Variants in POR observed in about 807,000 individuals in gnomAD.
The protein encoded by POR is cytochrome p450 oxidoreductase.
A neutral mutation model predicts 84.0 loss-of-function variants in POR; 56 were observed. The observed-to-expected ratio is 0.67, with a 90% CI of 0.54 to 0.83. The LOEUF is 0.83. Among genes scored for constraint, POR ranks in the 40% least tolerant of loss-of-function variants. The probability of loss-of-function intolerance (pLI) is 0.00; values close to 1 mark genes in which losing one functional copy is unlikely to be tolerated. For missense variants in POR, 938 were observed against 944.3 expected (o/e 0.99, Z 0.09); for synonymous variants, 414 against 400.5 (o/e 1.03, Z -0.40).
chr7:75,985,178 CGCT>C lies in POR; in HGVS notation c.1370_1372del (p.Arg457_Tyr458delinsHis). The C allele has an allele frequency of 2.5e-6, 4 of 1,597,770 alleles. No homozygotes were observed. The highest frequency in any genetic ancestry group is 3.4e-6 in the Non-Finnish European group (4 of 1,178,488). ...TGAGCTGCTGCCGCGCCTGCAGGCC[CGCT>C]ACTACTCCATCGCCTCATCCTCCAA... On this transcript the variant is annotated inframe_deletion, in exon 12 of 16. Transcript: ENST00000461988.
intron 1 of POR, among the ~76,000 whole-genome samples, chr7:75,932,092 T>G (rs1177405789): frequency 2.0e-5 from 3 of 152,210 alleles, no homozygotes; most frequent in Non-Finnish European, 4.4e-5. Flanking sequence ...ATAAATTGCT[T>G]TTTGAAAAAT....
rs1554559067 is a variant in POR at position 75,985,621 on chromosome 7, T to C, written c.1441T>C (p.Tyr481His). Residue 481 changes from tyrosine to histidine, a missense_variant, in exon 13 of 16, where the codon TAC becomes CAC. Tyr to His is a moderately conservative substitution (Grantham distance 83). Transcript: ENST00000461988. ...GCACATCTGTGCGGTGGTTGTGGAG[T>C]ACGAGACCAAGGCTGGCCGCATCAA... 4 of 1,587,714 alleles carry C rather than the reference T, an allele frequency of 2.5e-6. No individual in the cohort carries two copies. Among genetic ancestry groups the C allele is most frequent in the Non-Finnish European group, 3.4e-6 (4 of 1,166,238 alleles).
intron 1 of POR, among the ~76,000 whole-genome samples, chr7:75,936,086 C>CTTTTT (rs869164954): frequency 1.9e-3 from 190 of 99,760 alleles, no homozygotes; most frequent in Non-Finnish European, 2.7e-3. Context: ...TTCTTTCTTT[C>CTTTTT]TTTTTTTTTT....
At chr7:75,983,982 GACTCCACGGTTACA>G in intron 10 of POR, 126 bp downstream of exon 10, 1 of 706,218 alleles carries the variant, frequency 1.4e-6, no homozygotes, top group Non-Finnish European at 2.3e-6. Context: ...CTTGCACCGA[GACTCCACGGTTACA>G]GGATCCCAAG....
chr7:75,920,981 T>C (rs961177775), intron 1 of POR, among the ~76,000 whole-genome samples: 3 of 152,188 alleles, frequency 2.0e-5, no homozygotes, highest in Non-Finnish European at 4.4e-5. Flanking sequence ...GTGAAGGGCT[T>C]CAGACCCTTT....
In POR at chr7:75,986,464, C is replaced by T. The variant is rs782712405; in HGVS notation, c.2026C>T (p.Leu676=). 6.2e-7 allele frequency: 1 copy of T among 1,610,878 alleles called. No individual in the cohort carries two copies. The highest frequency in any genetic ancestry group is 8.5e-7 in the Non-Finnish European group (1 of 1,179,742). ...ACTGATGACCAAGGGCCGCTACTCC[C>T]TGGACGTGTGGAGCTAGGGGCCTGC... Residue 676 remains leucine, a synonymous_variant, in exon 16 of 16, where the codon CTG becomes TTG. Coordinates refer to ENST00000461988, the MANE Select transcript of POR (RefSeq NM_000941.3).
At chr7:75,978,075 G>A (rs1554557099) in intron 3 of POR, among the ~76,000 whole-genome samples, 1 of 152,176 alleles carries the variant, frequency 6.6e-6, no homozygotes, top group Non-Finnish European at 1.5e-5. Flanking sequence ...ATTTTATAAT[G>A]AATATGTATT....
chr7:75,932,073 A>T (rs1468005628), intron 1 of POR, among the ~76,000 whole-genome samples: 3 of 152,226 alleles, frequency 2.0e-5, no homozygotes, highest in African/African-American at 7.2e-5. Context: ...CTGCAGAGAA[A>T]TTTTGAAAAT....
At chr7:75,958,297 T>C (rs1391991471) in intron 2 of POR, among the ~76,000 whole-genome samples, 1 of 151,982 alleles carries the variant, frequency 6.6e-6, no homozygotes, top group Non-Finnish European at 1.5e-5. Context: ...TTATATTTTT[T>C]GTACAAATGG....
Position 75,960,550 on chromosome 7 carries a change from G to T in POR, c.188+6370G>T, listed in dbSNP as rs144074134. 5.7e-4 allele frequency among the ~76,000 whole-genome samples: 86 copies of T among 152,116 alleles called. No homozygotes were observed. In the East Asian group the frequency reaches 0.013, roughly 23 times the overall value. ...GGTCTTAACCTCCTGGCCTCAAGCA[G>T]TCTCCCTGCCTCAGCCTTGCAAAGT... On this transcript the variant is annotated intron_variant, in intron 2 of 15. Transcript: ENST00000461988.
rs373613946 is a variant in POR at position 75,985,623 on chromosome 7, C to T, written c.1443C>T (p.Tyr481=). ...ACATCTGTGCGGTGGTTGTGGAGTA[C>T]GAGACCAAGGCTGGCCGCATCAACA... Residue 481 remains tyrosine (Y), a synonymous_variant, in exon 13 of 16, where the codon TAC becomes TAT. Transcript: ENST00000461988. 32 of 1,588,414 alleles carry T rather than the reference C, an allele frequency of 2.0e-5. No individual in the cohort carries two copies. The highest frequency in any genetic ancestry group is 1.7e-4 in the Middle Eastern group (1 of 5,966).
chr7:75,925,704 A>T (rs1807080703), intron 1 of POR, among the ~76,000 whole-genome samples: 1 of 152,218 alleles, frequency 6.6e-6, no homozygotes, highest in African/African-American at 2.4e-5. Flanking sequence ...ATGAAAGATG[A>T]TGTTGGCCTA....
At chr7:75,965,927 C>T (rs1788160472) in intron 2 of POR, among the ~76,000 whole-genome samples, 1 of 152,136 alleles carries the variant, frequency 6.6e-6, no homozygotes, top group Non-Finnish European at 1.5e-5. Context: ...CCGGGGCGCA[C>T]TGCAGACAGG....
rs201960141 is a variant in POR, at chr7:75,983,803, G to C, written c.1013G>C (p.Gly338Ala). Reference sequence around the variant, plus strand: ...GACTCTGCTCTCGTCAACCAGCTGGGCAAAATCCTGGGTGCCGACCTGGAC... The same window carrying C: ...GACTCTGCTCTCGTCAACCAGCTGGCCAAAATCCTGGGTGCCGACCTGGAC... Residue 338 changes from glycine (G) to alanine (A), a missense_variant, in exon 10 of 16, where the codon GGC becomes GCC. Physicochemically the swap from Gly to Ala is moderately conservative, Grantham distance 60 (BLOSUM62 0). Coordinates refer to ENST00000461988, the MANE Select transcript of POR (RefSeq NM_000941.3). The C allele has an allele frequency of 6.2e-7, 1 of 1,612,226 alleles. No individual in the cohort carries two copies. The highest frequency in any genetic ancestry group is 1.3e-5 in the African/African-American group (1 of 75,048).
Position 75,979,561 on chromosome 7 carries a change from C to T in POR, c.348C>T (p.Asp116=). ...ACGGGATGCGAGGCATGTCAGCGGA[C>T]CCTGAGGAGTATGACCTGGTAAGCT... Residue 116 remains aspartate, a synonymous_variant, in exon 4 of 16, where the codon GAC becomes GAT. Coordinates refer to ENST00000461988, the MANE Select transcript of POR (RefSeq NM_000941.3). The T allele has an allele frequency of 1.2e-6, 2 of 1,613,490 alleles. No homozygotes were observed. The highest frequency in any genetic ancestry group is 1.7e-6 in the Non-Finnish European group (2 of 1,179,826).
intron 1 of POR, among the ~76,000 whole-genome samples, chr7:75,940,488 C>T (rs1279402494): frequency 6.6e-5 from 10 of 151,786 alleles, no homozygotes; most frequent in East Asian, 2.0e-4. Flanking sequence ...TGAAAAAAAA[C>T]GTAGGCACTC....
chr7:75,935,955 A>G (rs572032447), intron 1 of POR, among the ~76,000 whole-genome samples: 1 of 151,470 alleles, frequency 6.6e-6, no homozygotes, highest in East Asian at 1.9e-4. Context: ...CTCCTCTATG[A>G]CCACTCCTAT....
At chr7:75,920,587 T>G (rs1806806751) in intron 1 of POR, among the ~76,000 whole-genome samples, 1 of 152,144 alleles carries the variant, frequency 6.6e-6, no homozygotes, top group African/African-American at 2.4e-5. Flanking sequence ...CACTTTTTCC[T>G]ACAGCCCTGT....
At chr7:75,951,859 G>C (rs1787435422) in intron 1 of POR, among the ~76,000 whole-genome samples, 1 of 152,270 alleles carries the variant, frequency 6.6e-6, no homozygotes, top group Non-Finnish European at 1.5e-5. Flanking sequence ...CCTACCAGGT[G>C]TCGTTGGTGG....
Sources: gnomAD v4.1 joint callset for allele counts (sites outside exome capture counted in the v4.1 genomes callset) on GRCh38, gnomAD v4.1.1 for gene constraint, MANE v1.5 for transcripts, NCBI Gene and HGNC (gene_info 2026-07-23, HGNC 2026-07-21) for gene names.